The following CHRNA3 variants were observed in gnomAD, a reference collection of about 807,000 sequenced individuals.
CHRNA3 encodes the protein cholinergic receptor nicotinic alpha 3 subunit.
Under a neutral mutation model 41.9 loss-of-function variants are expected in CHRNA3, and 34 were observed. That is an observed-to-expected ratio of 0.81 (90% CI 0.62 to 1.08). CHRNA3 has a LOEUF of 1.08. Ranked by LOEUF, CHRNA3 falls within the 50% of genes least tolerant of loss-of-function variation. CHRNA3 has a pLI of 0.00. For missense variants in CHRNA3, 542 were observed against 638.3 expected (o/e 0.85, Z 1.63); for synonymous variants, 281 against 265.2 (o/e 1.06, Z -0.58).
rs1810330735 is a variant in CHRNA3 at position 78,620,944 on chromosome 15, C to A, written c.-150G>T. On this transcript the variant is annotated 5_prime_UTR_variant, in exon 1 of 6. Coordinates refer to ENST00000326828, the MANE Select transcript of CHRNA3 (RefSeq NM_000743.5). ...GCGGGGCTCCTCTCCGCTTCGCCGC[C>A]GCTGGGTTTCCAGCGCCCTCGGACC... The A allele has an allele frequency of 1.9e-6, 2 of 1,051,632 alleles. No individual in the cohort carries two copies. The highest frequency in any genetic ancestry group is 3.7e-4 in the Middle Eastern group (1 of 2,686). The allele number at this position is 1,051,632 out of a possible 1,614,324, so 65.1% of individuals were successfully genotyped here.
intron 4 of CHRNA3, among the ~76,000 whole-genome samples, chr15:78,613,287 A>C (rs1211190286): frequency 2.0e-5 from 3 of 152,054 alleles, no homozygotes; most frequent in Non-Finnish European, 4.4e-5. Flanking sequence ...TTATTGCGGC[A>C]TTATTCACAA....
intron 1 of CHRNA3, 105 bp downstream of exon 1, chr15:78,620,608 G>A (rs538610192): frequency 1.4e-6 from 2 of 1,406,362 alleles, no homozygotes; most frequent in Non-Finnish European, 1.8e-6. Context: ...GACGGCGCCA[G>A]CCCTCTCCGC....
In CHRNA3 at chr15:78,596,417, TATCGGTA is replaced by T; in HGVS notation, c.*180_*186del. On this transcript the variant is annotated 3_prime_UTR_variant, in exon 6 of 6. Transcript: ENST00000326828. ...CAAAAAGGCTAGTTAAATGTTCATT[TATCGGTA>T]ATAAATACTCTTGACATTTTTTTTT... is the stretch of plus-strand genomic sequence containing the variant. 1.6e-6 allele frequency: 2 copies of T among 1,266,172 alleles called. No homozygotes were observed. The highest frequency in any genetic ancestry group is 2.0e-6 in the Non-Finnish European group (2 of 1,008,300). The allele number at this position is 1,266,172 out of a possible 1,614,324, so 78.4% of individuals were successfully genotyped here.
chr15:78,603,495 C>T (rs981167546), intron 4 of CHRNA3, among the ~76,000 whole-genome samples: 1 of 152,222 alleles, frequency 6.6e-6, no homozygotes, highest in Non-Finnish European at 1.5e-5. Context: ...AAACATTCCT[C>T]GGATCAGCCC....
chr15:78,603,562 A>G (rs2053238230), intron 4 of CHRNA3, among the ~76,000 whole-genome samples: 3 of 152,252 alleles, frequency 2.0e-5, no homozygotes, highest in Admixed American at 6.5e-5. Flanking sequence ...AGCAACTGCC[A>G]TACTCCTTTG....
chr15:78,596,289 CCA>C lies in CHRNA3; in HGVS notation c.*313_*314del, dbSNP rs1036574420. 2.3e-5 allele frequency: 23 copies of C among 1,005,048 alleles called. No individual in the cohort carries two copies. In the African/African-American group the frequency reaches 3.4e-4, roughly 15 times the overall value. The allele number at this position is 1,005,048 out of a possible 1,614,324, so 62.3% of individuals were successfully genotyped here. A position where few individuals can be genotyped will look rare whatever the true frequency, so the allele number is the denominator to read the frequency against. On this transcript the variant is annotated 3_prime_UTR_variant, in exon 6 of 6. Coordinates refer to ENST00000326828, the MANE Select transcript of CHRNA3 (RefSeq NM_000743.5). ...ATATTTCTGAACAGCATTTTTCTAT[CCA>C]GTTTTGTTTCAACAACTAAAAGGAA...
Position 78,620,893 on chromosome 15 carries a change from A to G in CHRNA3, c.-99T>C. On this transcript the variant is annotated 5_prime_UTR_variant, in exon 1 of 6. Transcript: ENST00000326828. ...CGCGCGGCTCCAGCGCAGACCCCAG[A>G]CCTGGAGCCGTGCGGGCGGAGACGC... 1.6e-6 allele frequency: 2 copies of G among 1,253,000 alleles called. No individual in the cohort carries two copies. The highest frequency in any genetic ancestry group is 3.0e-5 in the South Asian group (1 of 33,142). The allele number at this position is 1,253,000 out of a possible 1,614,324, so 77.6% of individuals were successfully genotyped here. A position where few individuals can be genotyped will look rare whatever the true frequency, so the allele number is the denominator to read the frequency against.
rs1231946937 is a variant in CHRNA3 at position 78,602,375 on chromosome 15, G to A, written c.378-111C>T. On this transcript the variant is annotated intron_variant, in intron 4 of 5. Coordinates refer to ENST00000326828, the MANE Select transcript of CHRNA3 (RefSeq NM_000743.5). ...AGTAATGATTTGGAAGGCACTGGAA[G>A]ATGAGAGCTAAAGTGCCATAAAAGG... 3 of 1,221,380 alleles carry A rather than the reference G, an allele frequency of 2.5e-6. No homozygotes were observed. In the African/African-American group the frequency reaches 4.6e-5, roughly 19 times the overall value. The allele number at this position is 1,221,380 out of a possible 1,614,324, so 75.7% of individuals were successfully genotyped here.
In CHRNA3 at chr15:78,595,957, A is replaced by AGG; in HGVS notation, c.*646_*647insCC. 1 of 776,138 alleles carries AGG rather than the reference A, an allele frequency of 1.3e-6. No homozygotes were observed. Among genetic ancestry groups the AGG allele is most frequent in the Non-Finnish European group, 1.6e-6 (1 of 640,084 alleles). 48.1% of individuals were successfully genotyped at this position (776,138 alleles called of 1,614,324 possible). ...CTGGTGCCTTGACCTTGGACCTCCC[A>AGG]ACCTCCAAAACTGAGAAGTTTCTGT... On this transcript the variant is annotated 3_prime_UTR_variant, in exon 6 of 6. Coordinates refer to ENST00000326828, the MANE Select transcript of CHRNA3 (RefSeq NM_000743.5).
intron 3 of CHRNA3, chr15:78,618,411 T>C (rs1477535391): frequency 3.4e-6 from 2 of 586,174 alleles, no homozygotes; most frequent in African/African-American, 1.9e-5. Flanking sequence ...ACTTGAGGGG[T>C]TGGGCCCTAC....
chr15:78,603,701 G>A (rs1009786496), intron 4 of CHRNA3, among the ~76,000 whole-genome samples: 6 of 152,094 alleles, frequency 3.9e-5, no homozygotes, highest in Admixed American at 2.6e-4. Flanking sequence ...TCTCTCCTGG[G>A]TCTCGGTTGA....
chr15:78,603,539 A>G (rs973958563), intron 4 of CHRNA3, among the ~76,000 whole-genome samples: 2 of 152,230 alleles, frequency 1.3e-5, no homozygotes, highest in African/African-American at 4.8e-5. Context: ...AGGCATTTAC[A>G]TCCTCCAAAG....
intron 5 of CHRNA3, among the ~76,000 whole-genome samples, chr15:78,598,396 A>G (rs1455583936): frequency 6.6e-6 from 1 of 150,624 alleles, no homozygotes; most frequent in African/African-American, 2.4e-5. Context: ...GAAATTTTAT[A>G]TCTTTTTTTT....
intron 4 of CHRNA3, chr15:78,607,642 C>G (rs1203461618): frequency 6.6e-6 from 1 of 152,552 alleles, no homozygotes; most frequent in Non-Finnish European, 1.5e-5. Flanking sequence ...CCAGCATGAG[C>G]AATGCAGAAG....
At chr15:78,609,409 G>A (rs1469475621) in intron 4 of CHRNA3, among the ~76,000 whole-genome samples, 7 of 152,240 alleles carry the variant, frequency 4.6e-5, no homozygotes, top group Non-Finnish European at 1.0e-4. Flanking sequence ...CCAGAAGAGA[G>A]TGGGGGCCAA....
chr15:78,600,340 G>A (rs2053178606), intron 5 of CHRNA3, among the ~76,000 whole-genome samples: 2 of 152,284 alleles, frequency 1.3e-5, no homozygotes, highest in East Asian at 3.9e-4. Flanking sequence ...CTCCTAAAGT[G>A]CTAGGATTAC....
intron 4 of CHRNA3, among the ~76,000 whole-genome samples, chr15:78,612,309 T>C (rs1342121471): frequency 6.8e-6 from 1 of 148,070 alleles, no homozygotes; most frequent in East Asian, 2.0e-4. Flanking sequence ...CTACCTGACT[T>C]CAAACTATAG....
intron 3 of CHRNA3, chr15:78,618,379 G>T (rs2053497288): frequency 3.6e-6 from 2 of 559,096 alleles, no homozygotes. Context: ...TCTTTCTCCA[G>T]GCTGCAACCT....
chr15:78,615,830 T>C (rs1005549368), intron 4 of CHRNA3, among the ~76,000 whole-genome samples: 14 of 144,932 alleles, frequency 9.7e-5, no homozygotes, highest in African/African-American at 3.3e-4. Flanking sequence ...AGCCTCTACC[T>C]ACCAGGTTCA....
Sources: allele counts gnomAD v4.1 joint callset (sites outside exome capture counted in the v4.1 genomes callset), GRCh38; gene constraint gnomAD v4.1.1; transcripts MANE v1.5; gene names NCBI Gene and HGNC (gene_info 2026-07-23, HGNC 2026-07-21).